LINC00237: variants seen among roughly 807,000 people sequenced by gnomAD.
LINC00237 encodes the protein long intergenic non-protein coding RNA 237.
chr20:21,096,349 A>G (rs927131781), intron 1 of LINC00237, among the ~76,000 whole-genome samples: 3 of 152,196 alleles, frequency 2.0e-5, no homozygotes, highest in Admixed American at 6.5e-5. Context: ...GACTCTCATT[A>G]GTGTAATTCC....
Position 21,105,975 on chromosome 20 carries a change from G to C in LINC00237, n.88+296C>G, listed in dbSNP as rs570450542. ...TCAAGGCGCGGGGCGGGGTCGGGGGGATGGGATCCAGAGAGAGACTCAGAG... is the reference window on the plus strand; with the variant it reads ...TCAAGGCGCGGGGCGGGGTCGGGGGCATGGGATCCAGAGAGAGACTCAGAG... On this transcript the variant is annotated intron_variant and non_coding_transcript_variant, in intron 1 of 3. Coordinates refer to ENST00000691244, the Ensembl canonical transcript of LINC00237. Among the ~76,000 whole-genome samples the C allele has an allele frequency of 5.3e-5, 8 of 152,328 alleles. No homozygotes were observed. The East Asian group carries it at 1.4e-3, about 26-fold the overall frequency.
chr20:21,102,696 GAAA>G (rs34351894), intron 1 of LINC00237, among the ~76,000 whole-genome samples: 6 of 130,878 alleles, frequency 4.6e-5, no homozygotes, highest in African/African-American at 1.4e-4. Flanking sequence ...TATTTTATAA[GAAA>G]AAAAAAAAAA....
At chr20:21,086,960 GTA>G (rs968254728) in intron 3 of LINC00237, among the ~76,000 whole-genome samples, 5 of 134,278 alleles carry the variant, frequency 3.7e-5, no homozygotes, top group East Asian at 2.1e-4. Flanking sequence ...ATGTACTATA[GTA>G]TATATATACA....
chr20:21,098,555 C>G (rs1225562321), intron 1 of LINC00237, among the ~76,000 whole-genome samples: 1 of 152,180 alleles, frequency 6.6e-6, no homozygotes, highest in Non-Finnish European at 1.5e-5. Context: ...GAAGGGCTTG[C>G]CTGTATTTAA....
At chr20:21,087,335 G>A (rs916269388) in intron 3 of LINC00237, among the ~76,000 whole-genome samples, 1 of 152,024 alleles carries the variant, frequency 6.6e-6, no homozygotes, top group East Asian at 1.9e-4. Context: ...CCATGGCATG[G>A]ATGTGCCATG....
chr20:21,086,259 G>A (rs2030691822), intron 3 of LINC00237, among the ~76,000 whole-genome samples: 1 of 152,166 alleles, frequency 6.6e-6, no homozygotes. Flanking sequence ...AAGACTTGCA[G>A]AAACATGAGA....
At chr20:21,096,906 G>T (rs776462331) in intron 1 of LINC00237, among the ~76,000 whole-genome samples, 36 of 152,214 alleles carry the variant, frequency 2.4e-4, no homozygotes, top group Non-Finnish European at 3.5e-4. Context: ...CCGTGGTACA[G>T]ATTTTTAGAT....
intron 2 of LINC00237, among the ~76,000 whole-genome samples, chr20:21,088,418 C>A (rs1483195067): frequency 2.0e-5 from 3 of 152,204 alleles, no homozygotes; most frequent in Non-Finnish European, 4.4e-5. Context: ...AGGTAACACT[C>A]TCCACACAAA....
At chr20:21,105,903 C>G (rs1434908464) in intron 1 of LINC00237, among the ~76,000 whole-genome samples, 1 of 152,154 alleles carries the variant, frequency 6.6e-6, no homozygotes. Context: ...TGGGGTGGCC[C>G]AACCCGACCG....
intron 2 of LINC00237, among the ~76,000 whole-genome samples, chr20:21,088,437 T>G (rs967361821): frequency 1.3e-5 from 2 of 152,182 alleles, no homozygotes; most frequent in Admixed American, 6.6e-5. Context: ...AACGCTATAC[T>G]ATTACTACAG....
chr20:21,104,251 T>C (rs891587620), intron 1 of LINC00237, among the ~76,000 whole-genome samples: 1 of 152,234 alleles, frequency 6.6e-6, no homozygotes, highest in Non-Finnish European at 1.5e-5. Context: ...GGGGGTCAGT[T>C]TGTGTCTGAG....
intron 2 of LINC00237, chr20:21,090,601 G>C (rs1256151866): frequency 1.3e-5 from 2 of 152,202 alleles, no homozygotes; most frequent in Non-Finnish European, 2.9e-5. Context: ...TTAGCATGCA[G>C]GGCCTGGCTG....
intron 1 of LINC00237, among the ~76,000 whole-genome samples, chr20:21,103,095 C>T (rs116427765): frequency 0.029 from 4,464 of 152,346 alleles, 198 homozygotes; most frequent in African/African-American, 0.098. Context: ...AACCCCAGAC[C>T]CGCGAAGCTG....
At chr20:21,088,003 G>A (rs1211698644) in exon 3 of LINC00237, 1 of 152,202 alleles carries the variant, frequency 6.6e-6, no homozygotes, top group East Asian at 1.9e-4. Flanking sequence ...AACGTGTCCA[G>A]CTTCAAATTC....
At chr20:21,098,127 C>A (rs1410018087) in intron 1 of LINC00237, among the ~76,000 whole-genome samples, 1 of 152,198 alleles carries the variant, frequency 6.6e-6, no homozygotes, top group Non-Finnish European at 1.5e-5. Flanking sequence ...ACACCAGTGG[C>A]TGCAGATTAA....
At chr20:21,103,130 G>T (rs1399337369) in intron 1 of LINC00237, among the ~76,000 whole-genome samples, 1 of 152,264 alleles carries the variant, frequency 6.6e-6, no homozygotes, top group East Asian at 1.9e-4. Context: ...CGGCCTCAGA[G>T]CCCCAAACCG....
At chr20:21,093,264 G>A (rs1009516016) in intron 2 of LINC00237, 2 of 152,172 alleles carry the variant, frequency 1.3e-5, no homozygotes, top group Non-Finnish European at 2.9e-5. Flanking sequence ...AATAAGTTTT[G>A]ATACAAAAAG....
At chr20:21,097,576 T>C (rs1312531606) in intron 1 of LINC00237, among the ~76,000 whole-genome samples, 2 of 152,226 alleles carry the variant, frequency 1.3e-5, no homozygotes, top group Non-Finnish European at 2.9e-5. Flanking sequence ...TTTTTTTACA[T>C]GTAGGTTGAA....
At chr20:21,090,234 A>T (rs1039724136) in intron 2 of LINC00237, 24 of 152,236 alleles carry the variant, frequency 1.6e-4, no homozygotes, top group African/African-American at 5.1e-4. Flanking sequence ...CATTTACATA[A>T]GTGCTGTTTG....
Sources: allele counts gnomAD v4.1 joint callset (sites outside exome capture counted in the v4.1 genomes callset), GRCh38; gene constraint gnomAD v4.1.1; transcripts MANE v1.5; gene names NCBI Gene and HGNC (gene_info 2026-07-23, HGNC 2026-07-21).